GAREM1: variants seen among roughly 807,000 people sequenced by gnomAD.
GAREM1 encodes GRB2 associated regulator of MAPK1 subtype 1, also known as GRB2-associated and regulator of MAPK protein 1.
Under a neutral mutation model 71.3 loss-of-function variants are expected in GAREM1, and 26 were observed. The ratio of observed to expected loss-of-function variants is 0.36; its 90% confidence interval spans 0.27 to 0.51. The LOEUF is 0.51. GAREM1 is among the 20% of genes least tolerant of loss of function. GAREM1 has a pLI of 0.95. For missense variants in GAREM1, 1,026 were observed against 1,103.1 expected, an observed-to-expected ratio of 0.93 and a Z score of 0.99; for synonymous variants, 440 against 433.2, an observed-to-expected ratio of 1.02 and a Z score of -0.20.
At chr18:32,423,788 A>G (rs1359627214) in intron 1 of GAREM1, among the ~76,000 whole-genome samples, 1 of 152,222 alleles carries the variant, frequency 6.6e-6, no homozygotes, top group Admixed American at 6.5e-5. Flanking sequence ...GTACTTCAAC[A>G]CACAAGTTAA....
intron 2 of GAREM1, among the ~76,000 whole-genome samples, chr18:32,343,036 C>T (rs2047661811): frequency 1.3e-5 from 2 of 152,238 alleles, no homozygotes; most frequent in Admixed American, 6.5e-5. Flanking sequence ...CCCTGTATCT[C>T]TGATATTCAT....
At chr18:32,413,237 G>T in intron 1 of GAREM1, 5 of 1,596,634 alleles carry the variant, frequency 3.1e-6, no homozygotes, top group Non-Finnish European at 4.3e-6. Context: ...GGGCAGAAAG[G>T]CCAGAAAAAT....
At chr18:32,300,924 A>AG (rs1567955485) in intron 3 of GAREM1, among the ~76,000 whole-genome samples, 3 of 149,126 alleles carry the variant, frequency 2.0e-5, no homozygotes, top group Non-Finnish European at 3.0e-5. Context: ...AAAAAAAAAA[A>AG]AAGAAGAAGG....
rs371026664 is a variant in GAREM1 at position 32,268,695 on chromosome 18, T to G, written c.1807A>C (p.Thr603Pro). 1.1e-5 allele frequency: 17 copies of G among 1,613,978 alleles called. No individual in the cohort carries two copies. Among genetic ancestry groups the G allele is most frequent in the Admixed American group, 1.7e-5 (1 of 59,992 alleles). ...GGGGATTTCAGGTCCACAGAATCAG[T>G]TTTCACTCGGTTACATGGATAGCAG... ...VSCYPCNRVK[T>P]DSVDLKSPFG... is the part of the protein sequence containing the mutation. Residue 603 changes from threonine to proline, a missense_variant, in exon 6 of 6, where the codon ACT becomes CCT. This residue lies in a region of GAREM1 where 636 missense variants were observed against 631.2 expected (regional missense o/e 1.01). Transcript: ENST00000269209.
At chr18:32,277,261 TA>T (rs1050495524) in intron 4 of GAREM1, among the ~76,000 whole-genome samples, 1 of 151,508 alleles carries the variant, frequency 6.6e-6, no homozygotes, top group Non-Finnish European at 1.5e-5. Flanking sequence ...GCATGCCTTT[TA>T]AAAAAAAACT....
At chr18:32,364,951 T>C (rs1318768901) in intron 2 of GAREM1, among the ~76,000 whole-genome samples, 2 of 152,114 alleles carry the variant, frequency 1.3e-5, no homozygotes, top group Non-Finnish European at 2.9e-5. Flanking sequence ...CTCGATATAT[T>C]ACTTCTAAAA....
intron 1 of GAREM1, among the ~76,000 whole-genome samples, chr18:32,397,367 A>G (rs1421059675): frequency 6.6e-6 from 1 of 152,214 alleles, no homozygotes; most frequent in Non-Finnish European, 1.5e-5. Flanking sequence ...AAAATTGGAT[A>G]AAGAGTCAAG....
At position 32,336,384 on chromosome 18, in the gene GAREM1, C is replaced by G. The variant is rs1411890714; in HGVS notation, c.263-26061G>C. Among the ~76,000 whole-genome samples the G allele has an allele frequency of 2.0e-5, 3 of 148,210 alleles. No homozygotes were observed. The East Asian group carries it at 6.0e-4, about 30-fold the overall frequency. The stretch of plus-strand genomic sequence containing the variant: ...GGTGGAGCTTGCAGTGAGCGAAGAT[C>G]GCGCCACTGCACTCCAGCCTGGGCA... On this transcript the variant is annotated intron_variant, in intron 2 of 5. Coordinates refer to ENST00000269209, the MANE Select transcript of GAREM1 (RefSeq NM_001242409.2).
chr18:32,342,777 A>T (rs1369072421), intron 2 of GAREM1, among the ~76,000 whole-genome samples: 1 of 152,226 alleles, frequency 6.6e-6, no homozygotes, highest in Non-Finnish European at 1.5e-5. Flanking sequence ...GAATAAATGA[A>T]GGGGGTGCTG....
chr18:32,433,183 A>T (rs1231771774), intron 1 of GAREM1, among the ~76,000 whole-genome samples: 2 of 151,792 alleles, frequency 1.3e-5, no homozygotes, highest in Non-Finnish European at 2.9e-5. Context: ...ACAGGATCGT[A>T]TCAATTGATG....
chr18:32,337,817 A>G (rs1192236688), intron 2 of GAREM1, among the ~76,000 whole-genome samples: 1 of 152,136 alleles, frequency 6.6e-6, no homozygotes, highest in Admixed American at 6.5e-5. Context: ...GGTTTTCTCA[A>G]TCATCGCCCG....
chr18:32,284,025 G>A (rs368394134), intron 4 of GAREM1, among the ~76,000 whole-genome samples: 8 of 152,152 alleles, frequency 5.3e-5, no homozygotes, highest in East Asian at 1.9e-4. Context: ...TCATTCCACC[G>A]GAACTATCCA....
chr18:32,360,602 G>A (rs2047856711), intron 2 of GAREM1, among the ~76,000 whole-genome samples: 1 of 152,020 alleles, frequency 6.6e-6, no homozygotes, highest in Non-Finnish European at 1.5e-5. Context: ...GAATCCTCCT[G>A]CCTATAGGAG....
intron 3 of GAREM1, among the ~76,000 whole-genome samples, chr18:32,295,192 G>A (rs566577054): frequency 3.1e-4 from 47 of 152,184 alleles, no homozygotes; most frequent in Non-Finnish European, 6.2e-4. Context: ...AGCCCCCTGA[G>A]TAGCTGTGAT....
chr18:32,267,694 T>C lies in GAREM1; in HGVS notation c.*177A>G, dbSNP rs1029135856. On this transcript the variant is annotated 3_prime_UTR_variant, in exon 6 of 6. Transcript: ENST00000269209. ...CCAAGTGTTCTGTACAGCATTTTTA[T>C]TGATGTACAAAATAGCCTGTTCACC... 27 of 584,840 alleles carry C rather than the reference T, an allele frequency of 4.6e-5. No homozygotes were observed. The highest frequency in any genetic ancestry group is 7.8e-5 in the Non-Finnish European group (26 of 331,428). The allele number at this position is 584,840 out of a possible 1,614,324, so 36.2% of individuals were successfully genotyped here.
At chr18:32,341,536 TC>T (rs1281085273) in intron 2 of GAREM1, among the ~76,000 whole-genome samples, 2 of 152,202 alleles carry the variant, frequency 1.3e-5, no homozygotes, top group Non-Finnish European at 2.9e-5. Flanking sequence ...TAGTTCTAGA[TC>T]CTTGAGGAAT....
chr18:32,389,912 C>T (rs908527201), intron 2 of GAREM1, among the ~76,000 whole-genome samples: 4 of 152,262 alleles, frequency 2.6e-5, no homozygotes, highest in Admixed American at 1.3e-4. Context: ...ATGGCTCATA[C>T]CTGTAATTCC....
intron 2 of GAREM1, among the ~76,000 whole-genome samples, chr18:32,377,518 A>G (rs1351605462): frequency 6.6e-6 from 1 of 152,194 alleles, no homozygotes; most frequent in Non-Finnish European, 1.5e-5. Flanking sequence ...CACATGCTCC[A>G]CGGCTGCCAT....
At chr18:32,418,160 G>T (rs2048481976) in intron 1 of GAREM1, among the ~76,000 whole-genome samples, 1 of 152,144 alleles carries the variant, frequency 6.6e-6, no homozygotes, top group Non-Finnish European at 1.5e-5. Context: ...AGTAGATAAA[G>T]TGTCTAAAAA....
Sources: allele counts gnomAD v4.1 joint callset (sites outside exome capture counted in the v4.1 genomes callset), GRCh38; gene constraint gnomAD v4.1.1; regional missense constraint gnomAD v4.1.1; transcripts MANE v1.5; gene names NCBI Gene and HGNC (gene_info 2026-07-23, HGNC 2026-07-21).